Variants in EPM2A observed in about 807,000 individuals in gnomAD.
EPM2A encodes the protein EPM2A glucan phosphatase, laforin.
A neutral mutation model predicts 26.5 loss-of-function variants in EPM2A; 21 were observed. The observed-to-expected ratio is 0.79, with a 90% CI of 0.56 to 1.14. EPM2A has a LOEUF of 1.14. Among genes scored for constraint, EPM2A ranks in the 50% most tolerant of loss-of-function variants. The pLI, the probability that EPM2A is intolerant of heterozygous loss-of-function variation, is 0.00. For synonymous variants in EPM2A, 217 were observed against 177.6 expected (o/e 1.22, Z -1.76); for missense variants, 458 against 440.8 (o/e 1.04, Z -0.35).
intron 4 of EPM2A, among the ~76,000 whole-genome samples, chr6:145,442,796 T>C (rs1779081510): frequency 6.6e-6 from 1 of 152,210 alleles, no homozygotes; most frequent in African/African-American, 2.4e-5. Context: ...TGTATCATGC[T>C]GTTTGGGTTA....
At chr6:145,498,440 CTG>C (rs1562359016), downstream of EPM2A, among the ~76,000 whole-genome samples, 2 of 152,204 alleles carry the variant, frequency 1.3e-5, no homozygotes, top group African/African-American at 4.8e-5. Flanking sequence ...TCCTGAGACT[CTG>C]TGCACACCTG....
intron 2 of EPM2A, among the ~76,000 whole-genome samples, chr6:145,588,995 C>T (rs977767940): frequency 2.6e-5 from 4 of 152,114 alleles, no homozygotes; most frequent in Non-Finnish European, 4.4e-5. Flanking sequence ...TACCCCCAGG[C>T]TGAGGAAAAG....
intron 2 of EPM2A, among the ~76,000 whole-genome samples, chr6:145,542,749 T>A (rs557379629): frequency 6.6e-6 from 1 of 152,226 alleles, no homozygotes; most frequent in Non-Finnish European, 1.5e-5. Flanking sequence ...TTTTTTTCTG[T>A]TTTTGGTTTT....
intron 4 of EPM2A, among the ~76,000 whole-genome samples, chr6:145,438,816 A>T (rs12663084): frequency 5.3e-5 from 8 of 152,130 alleles, no homozygotes; most frequent in African/African-American, 1.7e-4. Flanking sequence ...TTTTAGGTTC[A>T]GGGGCACATT....
intron 2 of EPM2A, among the ~76,000 whole-genome samples, chr6:145,515,162 G>A (rs1472080293): frequency 6.6e-6 from 1 of 152,156 alleles, no homozygotes; most frequent in Admixed American, 6.5e-5. Context: ...AGAAGGGCTG[G>A]AGCAATAATC....
chr6:145,444,491 T>C (rs552038616), intron 4 of EPM2A, among the ~76,000 whole-genome samples: 3 of 152,306 alleles, frequency 2.0e-5, no homozygotes, highest in South Asian at 4.2e-4. Flanking sequence ...TTTGCTAATA[T>C]TTTGTTGATG....
At chr6:145,608,197 A>C (rs550923997) in intron 2 of EPM2A, among the ~76,000 whole-genome samples, 2 of 152,238 alleles carry the variant, frequency 1.3e-5, no homozygotes, top group South Asian at 2.1e-4. Flanking sequence ...GCTATTGTTA[A>C]TTTCTCCTTG....
intron 2 of EPM2A, among the ~76,000 whole-genome samples, chr6:145,530,658 T>C (rs909646632): frequency 3.3e-5 from 5 of 152,138 alleles, no homozygotes; most frequent in African/African-American, 9.6e-5. Flanking sequence ...AGATCACACC[T>C]GTAATGTGCC....
intron 2 of EPM2A, among the ~76,000 whole-genome samples, chr6:145,520,842 A>T (rs1466151618): frequency 1.3e-5 from 2 of 152,186 alleles, no homozygotes; most frequent in Non-Finnish European, 2.9e-5. Context: ...CTTCATCAAG[A>T]ATGTAATGGT....
intron 4 of EPM2A, among the ~76,000 whole-genome samples, chr6:145,415,172 C>A (rs1778691331): frequency 6.6e-6 from 1 of 152,168 alleles, no homozygotes; most frequent in South Asian, 2.1e-4. Flanking sequence ...GGTTTGCCTT[C>A]AGAGAATTGT....
chr6:145,471,564 CT>C (rs756568083), intron 4 of EPM2A, among the ~76,000 whole-genome samples: 19 of 152,144 alleles, frequency 1.2e-4, no homozygotes, highest in Non-Finnish European at 2.5e-4. Flanking sequence ...TCCTTCCCCA[CT>C]CCCCACTCCA....
intron 1 of EPM2A, among the ~76,000 whole-genome samples, chr6:145,703,703 C>T (rs1366769231): frequency 2.0e-5 from 3 of 152,122 alleles, no homozygotes; most frequent in Non-Finnish European, 4.4e-5. Context: ...CACATTTATG[C>T]CATTACTTAC....
At chr6:145,495,264 T>G (rs1582798510) in intron 4 of EPM2A, among the ~76,000 whole-genome samples, 1 of 152,198 alleles carries the variant, frequency 6.6e-6, no homozygotes, top group East Asian at 1.9e-4. Flanking sequence ...TAATCTTTGT[T>G]GATTTAGAGT....
chr6:145,725,064 G>A (rs912097077), intron 1 of EPM2A, among the ~76,000 whole-genome samples: 10 of 151,772 alleles, frequency 6.6e-5, no homozygotes, highest in Admixed American at 2.6e-4. Context: ...GAAAATATTC[G>A]CAAATCACCC....
chr6:145,682,690 G>A (rs1318198491), intron 2 of EPM2A: 17 of 152,012 alleles, frequency 1.1e-4, no homozygotes, highest in Admixed American at 6.6e-4. Context: ...AATTCTTACT[G>A]AATAAATGAA....
At chr6:145,584,519 G>A (rs1426264968) in intron 2 of EPM2A, among the ~76,000 whole-genome samples, 1 of 152,124 alleles carries the variant, frequency 6.6e-6, no homozygotes, top group Non-Finnish European at 1.5e-5. Context: ...CTCCACTGTA[G>A]CCATTCTTAT....
chr6:145,463,946 G>T (rs887873687), intron 4 of EPM2A, among the ~76,000 whole-genome samples: 2 of 152,144 alleles, frequency 1.3e-5, no homozygotes, highest in Non-Finnish European at 2.9e-5. Context: ...CCTGGTGGGA[G>T]GTGATTGGAT....
chr6:145,447,128 C>G (rs1779137545), intron 4 of EPM2A, among the ~76,000 whole-genome samples: 3 of 151,976 alleles, frequency 2.0e-5, no homozygotes, highest in Admixed American at 2.0e-4. Flanking sequence ...GTCCCAAAGC[C>G]TAGAAATTGG....
chr6:145,711,539 G>A (rs972176763), intron 1 of EPM2A, among the ~76,000 whole-genome samples: 41 of 152,270 alleles, frequency 2.7e-4, no homozygotes, highest in African/African-American at 9.1e-4. Flanking sequence ...ATTAGAGCTA[G>A]AGATACAACA....
Sources: allele counts gnomAD v4.1 joint callset (sites outside exome capture counted in the v4.1 genomes callset), GRCh38; gene constraint gnomAD v4.1.1; transcripts MANE v1.5; gene names NCBI Gene and HGNC (gene_info 2026-07-23, HGNC 2026-07-21).